DISC1: variants seen among roughly 807,000 people sequenced by gnomAD.
The protein encoded by DISC1 is disrupted in schizophrenia 1 protein.
In DISC1, 57 loss-of-function variants were observed where a neutral mutation model predicts 84.5. The ratio of observed to expected loss-of-function variants is 0.67; its 90% confidence interval spans 0.55 to 0.84. The LOEUF (loss-of-function observed/expected upper bound fraction) is 0.84. Ranked by LOEUF, DISC1 falls within the 40% of genes least tolerant of loss-of-function variation. The pLI is 0.00. For synonymous variants in DISC1, 411 were observed against 415.2 expected (o/e 0.99, Z 0.12); for missense variants, 1,000 against 1,057.8 (o/e 0.95, Z 0.76).
intron 4 of DISC1, among the ~76,000 whole-genome samples, chr1:231,751,195 C>T (rs1413059652): frequency 2.6e-5 from 4 of 152,216 alleles, no homozygotes; most frequent in Non-Finnish European, 5.9e-5. Flanking sequence ...CTCTTTCACA[C>T]ATGAGGCCAC....
chr1:231,891,022 G>T lies in DISC1; in HGVS notation c.1982-67806G>T, dbSNP rs371105641. 4.6e-5 allele frequency among the ~76,000 whole-genome samples: 7 copies of T among 152,098 alleles called. 1 individual carries two copies. In the East Asian group the frequency reaches 5.8e-4, roughly 13 times the overall value. On this transcript the variant is annotated intron_variant, in intron 9 of 12. Transcript: ENST00000439617. ...TGCACAGAAGCCTTAGGAAACTGAG[G>T]GATAGACACGCTCCCACTGAGTTAC...
chr1:231,806,519 G>A (rs539268844), intron 8 of DISC1, among the ~76,000 whole-genome samples: 1 of 152,338 alleles, frequency 6.6e-6, no homozygotes, highest in Non-Finnish European at 1.5e-5. Flanking sequence ...GGTCTGATCA[G>A]TGTCCTGGCT....
At chr1:231,952,911 A>ACAC (rs1189930065) in intron 9 of DISC1, among the ~76,000 whole-genome samples, 1 of 151,892 alleles carries the variant, frequency 6.6e-6, no homozygotes, top group African/African-American at 2.4e-5. Context: ...GTGTCTTTGA[A>ACAC]CACCTGCTTC....
intron 6 of DISC1, 48 bp downstream of exon 6, chr1:231,771,118 T>C: frequency 1.3e-6 from 2 of 1,502,342 alleles, no homozygotes; most frequent in Non-Finnish European, 1.8e-6. Flanking sequence ...CTCTTTGACC[T>C]GTTCATTGGA....
chr1:231,690,062 T>A (rs1268058916), intron 1 of DISC1, among the ~76,000 whole-genome samples: 1 of 152,216 alleles, frequency 6.6e-6, no homozygotes, highest in Admixed American at 6.5e-5. Flanking sequence ...GCCGCAATTT[T>A]CCTTCTAAGC....
chr1:231,784,571 G>A (rs918556427), intron 6 of DISC1, among the ~76,000 whole-genome samples: 1 of 152,164 alleles, frequency 6.6e-6, no homozygotes, highest in Non-Finnish European at 1.5e-5. Flanking sequence ...AAAAATTTAT[G>A]TGCCTGATTT....
chr1:232,002,880 A>T (rs535119157), intron 10 of DISC1, among the ~76,000 whole-genome samples: 1 of 152,182 alleles, frequency 6.6e-6, no homozygotes, highest in African/African-American at 2.4e-5. Flanking sequence ...AAATCACATA[A>T]AACTATGAAA....
At chr1:231,799,931 C>T (rs1224421406) in intron 7 of DISC1, among the ~76,000 whole-genome samples, 177 bp from the exon 8 acceptor site, 54 of 99,606 alleles carry the variant, frequency 5.4e-4, no homozygotes, top group African/African-American at 2.0e-3. Flanking sequence ...CTCCCTTTCT[C>T]CCTCTCTTCT....
At chr1:231,831,912 G>A (rs1229371846) in intron 9 of DISC1, among the ~76,000 whole-genome samples, 2 of 151,990 alleles carry the variant, frequency 1.3e-5, no homozygotes, top group African/African-American at 2.4e-5. Flanking sequence ...AGCATAGCCT[G>A]CCTTTGCTGG....
chr1:231,904,750 C>A (rs2088499223), intron 9 of DISC1, among the ~76,000 whole-genome samples: 4 of 151,996 alleles, frequency 2.6e-5, no homozygotes, highest in Admixed American at 2.6e-4. Context: ...GGAGCAATTG[C>A]TGAATACAAG....
chr1:231,831,475 T>G (rs1236127044), intron 9 of DISC1, among the ~76,000 whole-genome samples: 2 of 151,572 alleles, frequency 1.3e-5, no homozygotes, highest in African/African-American at 4.9e-5. Context: ...AGCAGGGGAG[T>G]AGGTGGGAAT....
chr1:231,999,996 A>C (rs576352588), intron 10 of DISC1, among the ~76,000 whole-genome samples: 1 of 152,340 alleles, frequency 6.6e-6, no homozygotes, highest in African/African-American at 2.4e-5. Context: ...TCCCTCATAA[A>C]ATAAAAAAAT....
At chr1:231,632,734 T>C (rs1334012913) in intron 1 of DISC1, among the ~76,000 whole-genome samples, 1 of 152,202 alleles carries the variant, frequency 6.6e-6, no homozygotes, top group African/African-American at 2.4e-5. Flanking sequence ...ATTAAATGAA[T>C]TGAACTGAAT....
chr1:231,695,754 A>G (rs2065606620), intron 2 of DISC1, among the ~76,000 whole-genome samples: 1 of 152,018 alleles, frequency 6.6e-6, no homozygotes, highest in African/African-American at 2.4e-5. Context: ...TGGGTAGGGA[A>G]GTGGAGCACC....
intron 6 of DISC1, among the ~76,000 whole-genome samples, chr1:231,792,561 G>C (rs1424537577): frequency 6.6e-6 from 1 of 152,200 alleles, no homozygotes; most frequent in Non-Finnish European, 1.5e-5. Context: ...TATTAAAAAT[G>C]TATTTGTTGA....
chr1:231,836,516 T>C (rs913594928), intron 9 of DISC1, among the ~76,000 whole-genome samples: 2 of 152,344 alleles, frequency 1.3e-5, no homozygotes, highest in South Asian at 4.1e-4. Context: ...TCCTTTTCCA[T>C]TGATGATGTG....
At chr1:231,775,823 T>C (rs1271412739) in intron 6 of DISC1, among the ~76,000 whole-genome samples, 1 of 152,174 alleles carries the variant, frequency 6.6e-6, no homozygotes, top group Non-Finnish European at 1.5e-5. Context: ...GAACCACTTT[T>C]ACCCAGTGAG....
At chr1:231,715,423 T>C (rs894961541) in intron 3 of DISC1, among the ~76,000 whole-genome samples, 1 of 152,230 alleles carries the variant, frequency 6.6e-6, no homozygotes, top group African/African-American at 2.4e-5. Context: ...TCCCAAAACC[T>C]GGTCTTACAT....
intron 3 of DISC1, among the ~76,000 whole-genome samples, chr1:231,735,698 G>A (rs116212930): frequency 6.6e-6 from 1 of 152,288 alleles, no homozygotes; most frequent in African/African-American, 2.4e-5. Flanking sequence ...ATCATTGTGA[G>A]GATAAAATGA....
Sources: allele counts gnomAD v4.1 joint callset (sites outside exome capture counted in the v4.1 genomes callset), GRCh38; gene constraint gnomAD v4.1.1; transcripts MANE v1.5; gene names NCBI Gene and HGNC (gene_info 2026-07-23, HGNC 2026-07-21).